The following FUBP1 variants were observed in gnomAD, a reference collection of about 807,000 sequenced individuals.
FUBP1 encodes the protein far upstream element binding protein 1.
FUBP1 carries 16 observed loss-of-function variants against 94.9 expected under a neutral mutation model. That is an observed-to-expected ratio of 0.17 (90% CI 0.11 to 0.26). The LOEUF is 0.26. FUBP1 is among the 10% of genes least tolerant of loss of function. FUBP1 has a pLI of 1.00. For missense variants in FUBP1, 583 were observed against 808.6 expected (o/e 0.72, Z 3.38); for synonymous variants, 279 against 254.9 (o/e 1.09, Z -0.90).
chr1:77,973,779 A>G (rs1329600536), intron 1 of FUBP1, among the ~76,000 whole-genome samples: 1 of 152,108 alleles, frequency 6.6e-6, no homozygotes, highest in Non-Finnish European at 1.5e-5. Flanking sequence ...GTTACCTATG[A>G]TATAGTACAA....
intron 3 of FUBP1, among the ~76,000 whole-genome samples, 160 bp downstream of exon 3, chr1:77,968,005 A>G (rs576376020): frequency 2.0e-5 from 3 of 152,308 alleles, no homozygotes; most frequent in East Asian, 1.9e-4. Context: ...GACAGATTGT[A>G]AAATAGGAGA....
Position 77,962,949 on chromosome 1 carries a change from A to T in FUBP1, c.1184-19T>A. The T allele has an allele frequency of 6.3e-7, 1 of 1,596,192 alleles. No homozygotes were observed. Among genetic ancestry groups the T allele is most frequent in the Non-Finnish European group, 8.6e-7 (1 of 1,165,708 alleles). On this transcript the variant is annotated intron_variant, in intron 13 of 19. Coordinates refer to ENST00000370768, the MANE Select transcript of FUBP1 (RefSeq NM_003902.5). ...TCACCTCCTAAAATCAAAAGACAGTAATTTCTCTAAAGGTTTCAAGGGTGT... is the reference window on the plus strand; with the variant it reads ...TCACCTCCTAAAATCAAAAGACAGTTATTTCTCTAAAGGTTTCAAGGGTGT...
At chr1:77,965,598 T>C (rs1361587917) in intron 7 of FUBP1, among the ~76,000 whole-genome samples, 1 of 152,222 alleles carries the variant, frequency 6.6e-6, no homozygotes, top group Non-Finnish European at 1.5e-5. Flanking sequence ...CAATTATTCA[T>C]TCAACAAATA....
intron 18 of FUBP1, among the ~76,000 whole-genome samples, chr1:77,950,834 T>G (rs941212241): frequency 1.3e-5 from 2 of 152,142 alleles, no homozygotes; most frequent in Admixed American, 1.3e-4. Context: ...CTATCACCAT[T>G]GTAAAACAGG....
chr1:77,952,486 A>G (rs1437569517), intron 18 of FUBP1, among the ~76,000 whole-genome samples: 1 of 152,126 alleles, frequency 6.6e-6, no homozygotes, highest in African/African-American at 2.4e-5. Flanking sequence ...AAGCCTGCCT[A>G]GTTTGGCAAA....
intron 1 of FUBP1, among the ~76,000 whole-genome samples, chr1:77,976,052 C>T (rs567817205): frequency 3.3e-5 from 5 of 152,290 alleles, no homozygotes; most frequent in African/African-American, 1.2e-4. Flanking sequence ...GCCTTTGAAG[C>T]TCCTTGAGAG....
In FUBP1 at chr1:77,947,818, TTATG is replaced by T; in HGVS notation, c.*944_*947del. ...AAGCTTGAACGTTTCCATACCCCAT[TTATG>T]TTTCAATGGCAGATGCAATGTAGCT... On this transcript the variant is annotated 3_prime_UTR_variant, in exon 20 of 20. Transcript: ENST00000370768. 9.2e-7 allele frequency: 1 copy of T among 1,082,532 alleles called. No homozygotes were observed. The highest frequency in any genetic ancestry group is 1.6e-5 in the African/African-American group (1 of 61,784). The allele number at this position is 1,082,532 out of a possible 1,614,324, so 67.1% of individuals were successfully genotyped here.
chr1:77,969,879 C>G (rs1657192649), intron 2 of FUBP1, 46 bp downstream of exon 2: 1 of 831,504 alleles, frequency 1.2e-6, no homozygotes, highest in African/African-American at 1.8e-5. Flanking sequence ...ATCACTTCAA[C>G]TAAACACTCT....
In FUBP1 at chr1:77,947,488, G is replaced by A; in HGVS notation, c.*1278C>T. ...TCCTTGAAGGAACACAATCAAGGATGATACACAGCACAGTCCTCCTCACCC... is the reference window on the plus strand; with the variant it reads ...TCCTTGAAGGAACACAATCAAGGATAATACACAGCACAGTCCTCCTCACCC... On this transcript the variant is annotated 3_prime_UTR_variant, in exon 20 of 20. Coordinates refer to ENST00000370768, the MANE Select transcript of FUBP1 (RefSeq NM_003902.5). 7.7e-7 allele frequency: 1 copy of A among 1,294,330 alleles called. No homozygotes were observed. The highest frequency in any genetic ancestry group is 1.0e-6 in the Non-Finnish European group (1 of 973,590). The allele number at this position is 1,294,330 out of a possible 1,614,324, so 80.2% of individuals were successfully genotyped here. A position where few individuals can be genotyped will look rare whatever the true frequency, so the allele number is the denominator to read the frequency against.
chr1:77,973,296 A>G (rs1325133420), intron 1 of FUBP1, among the ~76,000 whole-genome samples: 1 of 152,178 alleles, frequency 6.6e-6, no homozygotes, highest in African/African-American at 2.4e-5. Flanking sequence ...CCCAGACTAG[A>G]GTGCAGTGGC....
intron 17 of FUBP1, among the ~76,000 whole-genome samples, chr1:77,955,709 T>C (rs996916144): frequency 3.3e-5 from 5 of 152,202 alleles, no homozygotes; most frequent in African/African-American, 7.2e-5. Context: ...TAAAAATATA[T>C]ACATATATCG....
rs1484591236 is a variant in FUBP1, at chr1:77,962,697, T to C, written c.1344+73A>G. 6.6e-6 allele frequency: 6 copies of C among 903,598 alleles called. No homozygotes were observed. In the African/African-American group the frequency reaches 8.4e-5, roughly 13 times the overall value. The allele number at this position is 903,598 out of a possible 1,614,324, so 56.0% of individuals were successfully genotyped here. A position where few individuals can be genotyped will look rare whatever the true frequency, so the allele number is the denominator to read the frequency against. On this transcript the variant is annotated intron_variant, in intron 14 of 19. Coordinates refer to ENST00000370768, the MANE Select transcript of FUBP1 (RefSeq NM_003902.5). ...TAATGATACATTTTCCTTTGATGTATTTGAATAAACGTCTTAATTTAACTA... is the reference window on the plus strand; with the variant it reads ...TAATGATACATTTTCCTTTGATGTACTTGAATAAACGTCTTAATTTAACTA...
At chr1:77,972,086 A>G (rs1364273978) in intron 1 of FUBP1, among the ~76,000 whole-genome samples, 1 of 152,058 alleles carries the variant, frequency 6.6e-6, no homozygotes, top group Non-Finnish European at 1.5e-5. Flanking sequence ...ACCAATTACA[A>G]ACCTGTTTTT....
intron 16 of FUBP1, among the ~76,000 whole-genome samples, chr1:77,957,820 ATT>A (rs962006263): frequency 1.1e-4 from 15 of 137,130 alleles, no homozygotes; most frequent in South Asian, 2.3e-4. Flanking sequence ...CATTATCTGT[ATT>A]TTTTTTTTTT....
At chr1:77,972,336 A>G (rs956217802) in intron 1 of FUBP1, among the ~76,000 whole-genome samples, 4 of 152,062 alleles carry the variant, frequency 2.6e-5, no homozygotes, top group African/African-American at 9.7e-5. Context: ...TTTTATAAAT[A>G]CTCTATGAGT....
chr1:77,957,138 T>C (rs1379706444), intron 16 of FUBP1, among the ~76,000 whole-genome samples: 1 of 152,208 alleles, frequency 6.6e-6, no homozygotes, highest in Non-Finnish European at 1.5e-5. Context: ...ATGAACTTTG[T>C]CCTTATTTTC....
chr1:77,962,741 T>C (rs760276708), intron 14 of FUBP1, 29 bp downstream of exon 14: 3 of 1,533,818 alleles, frequency 2.0e-6, no homozygotes, highest in Non-Finnish European at 2.7e-6. Flanking sequence ...GGGTCTACAC[T>C]AAAAATTAAA....
intron 10 of FUBP1, 43 bp downstream of exon 10, chr1:77,964,583 AGAAAACACTATTATATTTAT>A: frequency 1.1e-6 from 1 of 949,606 alleles, no homozygotes; most frequent in Non-Finnish European, 1.7e-6. Flanking sequence ...AACACAAAAC[AGAAAACACTATTATATTTAT>A]GAATTAGCAT....
At chr1:77,953,196 A>T (rs532014062) in intron 18 of FUBP1, among the ~76,000 whole-genome samples, 20 of 151,342 alleles carry the variant, frequency 1.3e-4, no homozygotes, top group African/African-American at 4.9e-4. Flanking sequence ...TGCTCATAAA[A>T]TTAACAGGTG....
Sources: allele counts gnomAD v4.1 joint callset (sites outside exome capture counted in the v4.1 genomes callset), GRCh38; gene constraint gnomAD v4.1.1; transcripts MANE v1.5; gene names NCBI Gene and HGNC (gene_info 2026-07-23, HGNC 2026-07-21).